The following MKLN1 variants were observed in gnomAD, a reference collection of about 807,000 sequenced individuals.
The protein encoded by MKLN1 is muskelin.
Under a neutral mutation model 99.0 loss-of-function variants are expected in MKLN1, and 18 were observed. That is an observed-to-expected ratio of 0.18 (90% confidence interval 0.13 to 0.27). The LOEUF is 0.27. Among genes scored for constraint, MKLN1 ranks in the 10% least tolerant of loss-of-function variants. The probability of loss-of-function intolerance (pLI) is 1.00; values close to 1 mark genes in which losing one functional copy is unlikely to be tolerated. For synonymous variants in MKLN1, 288 were observed against 293.2 expected, an observed-to-expected ratio of 0.98 and a Z score of 0.18; for missense variants, 621 against 875.9, an observed-to-expected ratio of 0.71 and a Z score of 3.67.
At chr7:131,386,829 T>G (rs1310654418) in intron 2 of MKLN1, among the ~76,000 whole-genome samples, 1 of 152,266 alleles carries the variant, frequency 6.6e-6, no homozygotes, top group Non-Finnish European at 1.5e-5. Flanking sequence ...TATCTTTTAT[T>G]GAATACTGTT....
At chr7:131,153,018 CAT>C (rs370745053) in intron 2 of MKLN1, among the ~76,000 whole-genome samples, 52 of 141,056 alleles carry the variant, frequency 3.7e-4, no homozygotes, top group South Asian at 9.3e-4. Context: ...TAATCAGATT[CAT>C]ATATATATAT....
intron 6 of MKLN1, among the ~76,000 whole-genome samples, chr7:131,401,068 A>G (rs551930194): frequency 7.4e-4 from 112 of 152,282 alleles, no homozygotes; most frequent in Non-Finnish European, 1.3e-3. Context: ...TATTAAAAAC[A>G]TAGCAGAGAA....
intron 2 of MKLN1, among the ~76,000 whole-genome samples, chr7:131,168,633 A>G (rs1469507309): frequency 6.6e-6 from 1 of 152,196 alleles, no homozygotes; most frequent in Admixed American, 6.5e-5. Context: ...AACTGAAGTG[A>G]CTTAAAAAGG....
chr7:131,456,934 C>CA (rs561032258), intron 12 of MKLN1, among the ~76,000 whole-genome samples: 6,642 of 141,892 alleles, frequency 0.047, 151 homozygotes, highest in African/African-American at 0.059. Flanking sequence ...ACAACTGTCT[C>CA]AAAAAAAAAA....
At chr7:131,142,443 T>A (rs924257888) in intron 1 of MKLN1, among the ~76,000 whole-genome samples, 2 of 147,242 alleles carry the variant, frequency 1.4e-5, no homozygotes, top group East Asian at 2.1e-4. Flanking sequence ...AATAATAATT[T>A]AAAAAAATTA....
chr7:131,411,633 G>T (rs1180229715), intron 7 of MKLN1, among the ~76,000 whole-genome samples: 1 of 151,944 alleles, frequency 6.6e-6, no homozygotes, highest in Non-Finnish European at 1.5e-5. Flanking sequence ...ACAGCCGAGT[G>T]TGGTGGCTCA....
At chr7:131,408,059 T>TA (rs765553417) in intron 6 of MKLN1, among the ~76,000 whole-genome samples, 2 of 152,136 alleles carry the variant, frequency 1.3e-5, no homozygotes, top group Non-Finnish European at 2.9e-5. Context: ...TTTTCATACT[T>TA]ACCTTCTAGG....
intron 3 of MKLN1, among the ~76,000 whole-genome samples, chr7:131,255,053 T>A (rs1797638316): frequency 6.6e-6 from 1 of 152,028 alleles, no homozygotes. Context: ...CATACCTGGC[T>A]AGTTTAAAAA....
chr7:131,228,531 A>T (rs1418741281), intron 3 of MKLN1, among the ~76,000 whole-genome samples: 1 of 152,180 alleles, frequency 6.6e-6, no homozygotes, highest in Non-Finnish European at 1.5e-5. Flanking sequence ...TGCTCTTAGT[A>T]TTAGGGGTTT....
intron 17 of MKLN1, among the ~76,000 whole-genome samples, chr7:131,480,104 AAGGGCATTTTCATC>A (rs1290808767): frequency 1.3e-5 from 2 of 151,734 alleles, no homozygotes; most frequent in Non-Finnish European, 2.9e-5. Flanking sequence ...GTGAATTTTC[AAGGGCATTTTCATC>A]AGGATAACTT....
intron 1 of MKLN1, among the ~76,000 whole-genome samples, chr7:131,119,423 A>G (rs1795326878): frequency 6.6e-6 from 1 of 152,186 alleles, no homozygotes; most frequent in Admixed American, 6.5e-5. Flanking sequence ...TTTCCAGGGC[A>G]TAGTGCAAGC....
At position 131,402,491 on chromosome 7, in the gene MKLN1, G is replaced by T. The variant is rs147629280; in HGVS notation, c.703+3058G>T. 5.3e-4 allele frequency among the ~76,000 whole-genome samples: 80 copies of T among 152,256 alleles called. 1 individual carries two copies. In the East Asian group the frequency reaches 0.014, roughly 28 times the overall value. ...ATTTTGATCTCTTCCCATGAATCAT[G>T]AATGTTCTTAATGGCATCTAGAATG... On this transcript the variant is annotated intron_variant, in intron 6 of 17. Coordinates refer to ENST00000352689, the MANE Select transcript of MKLN1 (RefSeq NM_013255.5).
rs186084376 is a variant in MKLN1, at chr7:131,137,279, A to G, written c.-418-5541A>G. ...TGAATGAATATATAAAAAGATCAGA[A>G]AAATGTTACCCCCCAAATTGAAGCT... On this transcript the variant is annotated intron_variant, in intron 1 of 7. Transcript: ENST00000416992. Among the ~76,000 whole-genome samples, 3 of 152,340 alleles carry G rather than the reference A, an allele frequency of 2.0e-5. No homozygotes were observed. The East Asian group carries it at 5.8e-4, about 29-fold the overall frequency.
chr7:131,326,600 C>T (rs1798895610), upstream of MKLN1, among the ~76,000 whole-genome samples: 1 of 152,214 alleles, frequency 6.6e-6, no homozygotes, highest in Admixed American at 6.5e-5. Flanking sequence ...CCACCTCAGC[C>T]TCCCAACGTG....
intron 1 of MKLN1, among the ~76,000 whole-genome samples, chr7:131,138,117 G>C: frequency 6.6e-6 from 1 of 151,550 alleles, no homozygotes. Context: ...TAGAGACAAG[G>C]TTTCTCCATA....
chr7:131,409,854 T>C (rs1235383753), intron 6 of MKLN1, among the ~76,000 whole-genome samples: 1 of 152,206 alleles, frequency 6.6e-6, no homozygotes, highest in Non-Finnish European at 1.5e-5. Flanking sequence ...TCAGTGATCA[T>C]TTCTTTCTTT....
Position 131,245,480 on chromosome 7 carries a change from CT to C in MKLN1, c.-179+42507del, listed in dbSNP as rs1286998637. 1.8e-4 allele frequency among the ~76,000 whole-genome samples: 28 copies of C among 152,290 alleles called. No homozygotes were observed. The East Asian group carries it at 3.1e-3, about 17-fold the overall frequency. On this transcript the variant is annotated intron_variant, in intron 3 of 7. Transcript: ENST00000416992. ...ATGGGGTTTCACCACATTAGCCAGG[CT>C]GGTCTCGAATTCCTGCCCTCAGGTG...
chr7:131,464,635 A>G (rs1408526056), intron 14 of MKLN1, among the ~76,000 whole-genome samples: 1 of 152,172 alleles, frequency 6.6e-6, no homozygotes, highest in African/African-American at 2.4e-5. Context: ...TTTTGAAAAT[A>G]GTCAGTGGCA....
chr7:131,183,670 A>T (rs1035863312), intron 2 of MKLN1, among the ~76,000 whole-genome samples: 6 of 152,346 alleles, frequency 3.9e-5, no homozygotes, highest in Middle Eastern at 3.4e-3. Flanking sequence ...ATGTATGTGC[A>T]GGTGCCTGAG....
Sources: gnomAD v4.1 joint callset for allele counts (sites outside exome capture counted in the v4.1 genomes callset) on GRCh38, gnomAD v4.1.1 for gene constraint, MANE v1.5 for transcripts, NCBI Gene and HGNC (gene_info 2026-07-23, HGNC 2026-07-21) for gene names.